The following CFAP77 variants were observed in gnomAD, a reference collection of about 807,000 sequenced individuals.
The protein encoded by CFAP77 is cilia and flagella associated protein 77, also known as cilia- and flagella-associated protein 77.
Under a neutral mutation model 31.1 loss-of-function variants are expected in CFAP77, and 25 were observed. The observed-to-expected ratio is 0.80, with a 90% CI of 0.59 to 1.12. CFAP77 has a LOEUF of 1.12. CFAP77 is among the 50% of genes most tolerant of loss of function. The pLI, the probability that CFAP77 is intolerant of heterozygous loss-of-function variation, is 0.00. For synonymous variants in CFAP77, 151 were observed against 159.9 expected, an observed-to-expected ratio of 0.94 and a Z score of 0.42; for missense variants, 377 against 397.3, an observed-to-expected ratio of 0.95 and a Z score of 0.44.
chr9:132,459,743 AGTGT>A lies in CFAP77; in HGVS notation c.196-38945_196-38942del, dbSNP rs759634912. Reference sequence around the variant, plus strand: ...CTGTATGTATGTGTATATGTGTGTGAGTGTGTGTGTATGTGTGTGTATGAGTGTG... The same window carrying A: ...CTGTATGTATGTGTATATGTGTGTGAGTGTGTATGTGTGTGTATGAGTGTG... On this transcript the variant is annotated intron_variant, in intron 1 of 5. Coordinates refer to ENST00000393216, the MANE Select transcript of CFAP77 (RefSeq NM_001282957.2). Among the ~76,000 whole-genome samples the A allele has an allele frequency of 9.1e-4, 113 of 124,702 alleles. 1 individual carries two copies. Among genetic ancestry groups the A allele is most frequent in the South Asian group, 8.7e-3 (37 of 4,246 alleles). The allele number at this position is 124,702 out of a possible 152,430, so 81.8% of individuals were successfully genotyped here.
At position 132,481,958 on chromosome 9, in the gene CFAP77, TTGGGG is replaced by T. The variant is rs142673132; in HGVS notation, c.196-16736_196-16732del. Among the ~76,000 whole-genome samples, 3,404 of 30,026 alleles carry T rather than the reference TTGGGG, an allele frequency of 0.11. 332 individuals carry two copies. The highest frequency in any genetic ancestry group is 0.49 in the East Asian group (1,605 of 3,294). 19.7% of individuals were successfully genotyped at this position (30,026 alleles called of 152,430 possible). On this transcript the variant is annotated intron_variant, in intron 1 of 5. Coordinates refer to ENST00000393216, the MANE Select transcript of CFAP77 (RefSeq NM_001282957.2). This position sits in a 1 kb window ranked among gnomAD's most constrained non-coding sequence, Gnocchi z 5.0. Reference sequence around the variant, plus strand: ...CTCAGGAAGGAACAAGGGTTTATGGTTGGGGGGGGGGGGGGCGGCGGAACACTGAA... The same window carrying T: ...CTCAGGAAGGAACAAGGGTTTATGGTGGGGGGGGGGCGGCGGAACACTGAA...
intron 3 of CFAP77, among the ~76,000 whole-genome samples, chr9:132,504,610 C>T (rs1299434817): frequency 7.2e-5 from 11 of 152,242 alleles, no homozygotes; most frequent in Non-Finnish European, 1.6e-4. Flanking sequence ...TCTTTATCAA[C>T]AGCAGCCCTT....
rs566221609 is a variant in CFAP77 at position 132,548,499 on chromosome 9, G to A, written c.732+5452G>A. ...CTGATGTCTCACCAAACGCTCGCAC[G>A]CTGCTGGCCAAGTCCGGTTTTGCAT... On this transcript the variant is annotated intron_variant, in intron 5 of 5. Coordinates refer to ENST00000393216, the MANE Select transcript of CFAP77 (RefSeq NM_001282957.2). 5.9e-5 allele frequency among the ~76,000 whole-genome samples: 9 copies of A among 152,250 alleles called. No homozygotes were observed. The East Asian group carries it at 1.5e-3, about 26-fold the overall frequency.
chr9:132,474,929 A>C (rs1008020026), intron 1 of CFAP77, among the ~76,000 whole-genome samples: 1 of 152,244 alleles, frequency 6.6e-6, no homozygotes, highest in African/African-American at 2.4e-5. Context: ...TAATAAGTCA[A>C]TAAGAAAGCT....
chr9:132,446,514 G>C (rs1350760277), intron 1 of CFAP77, among the ~76,000 whole-genome samples: 2 of 152,144 alleles, frequency 1.3e-5, no homozygotes, highest in Non-Finnish European at 2.9e-5. Flanking sequence ...GCTGAGGTGG[G>C]TGGATCATGA....
rs1214925368 is a variant in CFAP77 at position 132,424,167 on chromosome 9, G to A, written c.195+13701G>A. 6.6e-6 allele frequency among the ~76,000 whole-genome samples: 1 copy of A among 152,186 alleles called. No homozygotes were observed. On this transcript the variant is annotated intron_variant, in intron 1 of 5. Coordinates refer to ENST00000393216, the MANE Select transcript of CFAP77 (RefSeq NM_001282957.2). This position sits in a 1 kb window ranked among gnomAD's most constrained non-coding sequence, Gnocchi z 4.1. Reference sequence around the variant, plus strand: ...TCACGCCTGTAATCGCAGCACTTTGGGAGGCAGAGGCAGGCAGATCATGAG... The same window carrying A: ...TCACGCCTGTAATCGCAGCACTTTGAGAGGCAGAGGCAGGCAGATCATGAG...
At chr9:132,446,596 C>G (rs754019504) in intron 1 of CFAP77, among the ~76,000 whole-genome samples, 8 of 151,760 alleles carry the variant, frequency 5.3e-5, no homozygotes, top group African/African-American at 1.2e-4. Context: ...AAAAAATTAG[C>G]TGGGCGTGGT....
intron 5 of CFAP77, among the ~76,000 whole-genome samples, chr9:132,567,478 A>G (rs145415635): frequency 4.8e-4 from 73 of 152,300 alleles, no homozygotes; most frequent in East Asian, 2.7e-3. Flanking sequence ...TAGGGCTTCA[A>G]TCCTCCAGCC....
intron 1 of CFAP77, among the ~76,000 whole-genome samples, chr9:132,423,292 C>T (rs1850255674): frequency 1.3e-5 from 2 of 152,306 alleles, no homozygotes; most frequent in African/African-American, 4.8e-5. Flanking sequence ...AGGATGCTCA[C>T]GGGTCTGACT....
chr9:132,441,900 A>G (rs1280355357), intron 1 of CFAP77, among the ~76,000 whole-genome samples: 1 of 152,194 alleles, frequency 6.6e-6, no homozygotes, highest in East Asian at 1.9e-4. Context: ...GACCTTCCTA[A>G]TCATCAGAAC....
rs533649056 is a variant in CFAP77 at position 132,446,706 on chromosome 9, A to G, written c.195+36240A>G. On this transcript the variant is annotated intron_variant, in intron 1 of 5. Transcript: ENST00000393216. ...CAGTGAGCAGAGATCACACCACTGC[A>G]CTCCAGCCTGGGCGACAGAGCAAAA... is the stretch of plus-strand genomic sequence containing the variant. Among the ~76,000 whole-genome samples the G allele has an allele frequency of 5.3e-3, 750 of 142,054 alleles. 3 individuals are homozygous for G. Among genetic ancestry groups the G allele is most frequent in the South Asian group, 0.013 (58 of 4,520 alleles). The allele number at this position is 142,054 out of a possible 152,430, so 93.2% of individuals were successfully genotyped here.
At chr9:132,461,156 G>A (rs1851043512) in intron 1 of CFAP77, among the ~76,000 whole-genome samples, 1 of 152,196 alleles carries the variant, frequency 6.6e-6, no homozygotes, top group South Asian at 2.1e-4. Flanking sequence ...CTGAATGAAG[G>A]TTGGCTTTTA....
At chr9:132,547,762 G>A (rs556248958) in intron 5 of CFAP77, among the ~76,000 whole-genome samples, 319 of 152,308 alleles carry the variant, frequency 2.1e-3, no homozygotes, top group Middle Eastern at 0.01. Context: ...CTTGAAGGGC[G>A]GAAGCCACTC....
At position 132,497,871 on chromosome 9, in the gene CFAP77, C is replaced by T. The variant is rs771043052; in HGVS notation, c.196-824C>T. On this transcript the variant is annotated intron_variant, in intron 1 of 5. Transcript: ENST00000393216. This position sits in a 1 kb window ranked among gnomAD's most constrained non-coding sequence, Gnocchi z 4.9. Reference sequence around the variant, plus strand: ...CTGTGCAGGACAGGGTCTCTGACCTCGAGGAGCTGCTGTGATAAAGGGAGA... The same window carrying T: ...CTGTGCAGGACAGGGTCTCTGACCTTGAGGAGCTGCTGTGATAAAGGGAGA... Among the ~76,000 whole-genome samples the T allele has an allele frequency of 6.6e-6, 1 of 152,074 alleles. No homozygotes were observed. The highest frequency in any genetic ancestry group is 2.4e-5 in the African/African-American group (1 of 41,396).
chr9:132,415,069 T>A (rs918985953), intron 1 of CFAP77, among the ~76,000 whole-genome samples: 1 of 151,814 alleles, frequency 6.6e-6, no homozygotes, highest in African/African-American at 2.4e-5. Flanking sequence ...CGCAGCTTTA[T>A]TGTTGAAGAG....
chr9:132,487,155 C>T (rs1851576192), intron 1 of CFAP77, among the ~76,000 whole-genome samples: 1 of 152,222 alleles, frequency 6.6e-6, no homozygotes, highest in Non-Finnish European at 1.5e-5. Context: ...CCATCGGTTA[C>T]TGAGCAACCT....
At chr9:132,417,366 G>C (rs1850123490) in intron 1 of CFAP77, among the ~76,000 whole-genome samples, 1 of 152,122 alleles carries the variant, frequency 6.6e-6, no homozygotes, top group African/African-American at 2.4e-5. Context: ...GCCCACCTCG[G>C]CCTCCCAAAT....
At chr9:132,568,379 AC>A (rs1463175748) in intron 5 of CFAP77, among the ~76,000 whole-genome samples, 20 of 151,848 alleles carry the variant, frequency 1.3e-4, no homozygotes, top group Non-Finnish European at 1.0e-4. Context: ...ACAAGGAGAA[AC>A]CCCGTTTCTA....
intron 1 of CFAP77, among the ~76,000 whole-genome samples, chr9:132,491,239 G>A (rs767010795): frequency 3.3e-5 from 5 of 152,208 alleles, no homozygotes; most frequent in Non-Finnish European, 5.9e-5. Context: ...AGGCCGAAGC[G>A]GGCAGATCAC....
Sources: allele counts gnomAD v4.1 joint callset (sites outside exome capture counted in the v4.1 genomes callset), GRCh38; gene constraint gnomAD v4.1.1; non-coding constraint Gnocchi (gnomAD v3.1); transcripts MANE v1.5; gene names NCBI Gene and HGNC (gene_info 2026-07-23, HGNC 2026-07-21).